The following SPOCK3 variants were observed in gnomAD, a reference collection of about 807,000 sequenced individuals.
SPOCK3 encodes the protein SPARC (osteonectin), cwcv and kazal like domains proteoglycan 3.
A neutral mutation model predicts 56.6 loss-of-function variants in SPOCK3; 30 were observed. The observed-to-expected ratio is 0.53, with a 90% CI of 0.40 to 0.72. The LOEUF (loss-of-function observed/expected upper bound fraction) is 0.72, where lower values mean the gene tolerates loss of function less well. Among genes scored for constraint, SPOCK3 ranks in the 30% least tolerant of loss-of-function variants. SPOCK3 has a pLI of 0.00. For synonymous variants in SPOCK3, 196 were observed against 183.3 expected (o/e 1.07, Z -0.56); for missense variants, 527 against 530.0 (o/e 0.99, Z 0.06).
chr4:166,839,875 C>T (rs1475997878), intron 6 of SPOCK3, among the ~76,000 whole-genome samples: 1 of 152,162 alleles, frequency 6.6e-6, no homozygotes, highest in African/African-American at 2.4e-5. Flanking sequence ...CAGAAAACCC[C>T]CATAAAAGTC....
At chr4:167,159,432 A>G (rs1200973233) in intron 2 of SPOCK3, among the ~76,000 whole-genome samples, 1 of 151,926 alleles carries the variant, frequency 6.6e-6, no homozygotes, top group Non-Finnish European at 1.5e-5. Context: ...CTATAACCGG[A>G]GGAAAGGAAC....
At chr4:166,923,357 T>C (rs1490038381) in intron 4 of SPOCK3, among the ~76,000 whole-genome samples, 1 of 152,210 alleles carries the variant, frequency 6.6e-6, no homozygotes, top group Non-Finnish European at 1.5e-5. Context: ...ACTCTTATGC[T>C]TTATAAGATG....
chr4:166,792,518 C>T (rs1401888731), intron 6 of SPOCK3, among the ~76,000 whole-genome samples: 1 of 152,092 alleles, frequency 6.6e-6, no homozygotes, highest in Non-Finnish European at 1.5e-5. Flanking sequence ...TTGTGCTCTT[C>T]ATTAGAATAT....
chr4:166,742,144 C>A, intron 8 of SPOCK3, 85 bp from the exon 9 acceptor site: 1 of 965,304 alleles, frequency 1.0e-6, no homozygotes, highest in East Asian at 2.5e-5. Context: ...TTCACTTAGT[C>A]TTTTTGTGCC....
At chr4:167,051,075 G>A (rs971021461) in intron 3 of SPOCK3, among the ~76,000 whole-genome samples, 4 of 152,078 alleles carry the variant, frequency 2.6e-5, no homozygotes, top group Admixed American at 1.3e-4. Flanking sequence ...GGTTAAAATG[G>A]TAAATTTTAT....
chr4:166,813,797 GA>G (rs978634403), intron 6 of SPOCK3, among the ~76,000 whole-genome samples: 1 of 151,846 alleles, frequency 6.6e-6, no homozygotes, highest in African/African-American at 2.4e-5. Flanking sequence ...GAGAAGGTAT[GA>G]AAAAAAGTAA....
intron 6 of SPOCK3, among the ~76,000 whole-genome samples, chr4:166,880,619 C>T (rs1262707632): frequency 6.6e-6 from 1 of 152,134 alleles, no homozygotes; most frequent in African/African-American, 2.4e-5. Flanking sequence ...TTTCCCATGT[C>T]GTTTGATTCT....
chr4:167,078,377 G>A (rs79396396), intron 2 of SPOCK3, among the ~76,000 whole-genome samples: 3,016 of 142,470 alleles, frequency 0.021, 55 homozygotes, highest in Non-Finnish European at 0.031. Context: ...TGTTTGCAGA[G>A]GGATCTGGAA....
At chr4:166,845,028 G>A (rs1560923569) in intron 6 of SPOCK3, among the ~76,000 whole-genome samples, 1 of 152,234 alleles carries the variant, frequency 6.6e-6, no homozygotes, top group Non-Finnish European at 1.5e-5. Context: ...TTTGTTAATA[G>A]GTGTAACCTA....
intron 4 of SPOCK3, among the ~76,000 whole-genome samples, chr4:166,925,193 G>T (rs1384751780): frequency 6.6e-6 from 1 of 152,134 alleles, no homozygotes; most frequent in Non-Finnish European, 1.5e-5. Flanking sequence ...TATGAACAAT[G>T]AAATTGAATT....
At chr4:167,231,414 G>A (rs1737167221) in intron 2 of SPOCK3, among the ~76,000 whole-genome samples, 1 of 151,920 alleles carries the variant, frequency 6.6e-6, no homozygotes, top group African/African-American at 2.4e-5. Context: ...TGGGAAAAAA[G>A]CACAAAAGTA....
At chr4:166,977,250 A>G (rs966751296) in intron 4 of SPOCK3, among the ~76,000 whole-genome samples, 1 of 152,136 alleles carries the variant, frequency 6.6e-6, no homozygotes, top group African/African-American at 2.4e-5. Flanking sequence ...ATAGAGATGT[A>G]CAAGTTAGAG....
intron 7 of SPOCK3, among the ~76,000 whole-genome samples, chr4:166,791,137 A>G (rs1002380663): frequency 3.3e-5 from 5 of 152,242 alleles, no homozygotes; most frequent in African/African-American, 1.2e-4. Flanking sequence ...ACGCATTCAA[A>G]GACAATTACT....
chr4:167,226,312 C>G (rs1173255225), intron 2 of SPOCK3, among the ~76,000 whole-genome samples: 2 of 152,100 alleles, frequency 1.3e-5, no homozygotes, highest in South Asian at 2.1e-4. Flanking sequence ...ACATCTAGAA[C>G]AGTAGGTACT....
chr4:166,742,128 T>C (rs1734908695), intron 8 of SPOCK3, 69 bp from the exon 9 acceptor site: 2 of 1,161,548 alleles, frequency 1.7e-6, no homozygotes, highest in Admixed American at 1.8e-5. Flanking sequence ...TTCTATGTTA[T>C]CAAACTTCAC....
At chr4:166,918,848 T>G (rs762887247) in intron 4 of SPOCK3, among the ~76,000 whole-genome samples, 1 of 151,980 alleles carries the variant, frequency 6.6e-6, no homozygotes, top group Non-Finnish European at 1.5e-5. Context: ...CCCTCATGAG[T>G]GCTTTGGTGC....
intron 2 of SPOCK3, among the ~76,000 whole-genome samples, chr4:167,084,176 G>T (rs373977891): frequency 6.6e-6 from 1 of 152,026 alleles, no homozygotes; most frequent in Non-Finnish European, 1.5e-5. Context: ...TATATTAAAA[G>T]TTATTAAAAG....
chr4:166,952,865 T>C (rs148373082), intron 4 of SPOCK3, among the ~76,000 whole-genome samples: 1 of 151,150 alleles, frequency 6.6e-6, no homozygotes, highest in Non-Finnish European at 1.5e-5. Context: ...TGGTGCTGGG[T>C]AAACTGGCTA....
chr4:167,007,220 A>G (rs189690652), intron 3 of SPOCK3, among the ~76,000 whole-genome samples: 1 of 152,208 alleles, frequency 6.6e-6, no homozygotes, highest in Non-Finnish European at 1.5e-5. Flanking sequence ...ATCCTTTTGT[A>G]TCTGTAGAGT....
Sources: allele counts gnomAD v4.1 joint callset (sites outside exome capture counted in the v4.1 genomes callset), GRCh38; gene constraint gnomAD v4.1.1; transcripts MANE v1.5; gene names NCBI Gene and HGNC (gene_info 2026-07-23, HGNC 2026-07-21).